Variants in INVS observed in about 807,000 individuals in gnomAD.
The protein encoded by INVS is inversion of embryo turning homolog.
In INVS, 86 loss-of-function variants were observed where a neutral mutation model predicts 108.8. That is an observed-to-expected ratio of 0.79 (90% CI 0.66 to 0.95). INVS has a LOEUF of 0.95. Ranked by LOEUF, INVS falls within the 40% of genes least tolerant of loss-of-function variation. INVS has a pLI of 0.00. For missense variants in INVS, 1,169 were observed against 1,297.4 expected (o/e 0.90, Z 1.52); for synonymous variants, 455 against 473.5 (o/e 0.96, Z 0.51).
At chr9:100,209,823 A>C (rs949295278) in intron 3 of INVS, among the ~76,000 whole-genome samples, 2 of 152,020 alleles carry the variant, frequency 1.3e-5, no homozygotes, top group African/African-American at 4.8e-5. Flanking sequence ...AGAAGACTGA[A>C]AGGAAAAGCC....
intron 3 of INVS, chr9:100,175,688 A>G (rs767605823): frequency 2.2e-4 from 142 of 637,498 alleles, no homozygotes; most frequent in Middle Eastern, 5.3e-4. Context: ...CCTGCCTCCA[A>G]GGATGCTTGG....
chr9:100,274,498 A>G (rs1266459939), intron 12 of INVS, among the ~76,000 whole-genome samples: 1 of 152,098 alleles, frequency 6.6e-6, no homozygotes, highest in Admixed American at 6.6e-5. Flanking sequence ...GATGATAAAG[A>G]TGTGGACAGG....
intron 2 of INVS, chr9:100,120,741 G>A (rs1480355280): frequency 6.6e-6 from 1 of 152,202 alleles, no homozygotes; most frequent in African/African-American, 2.4e-5. Context: ...GGAGGGGAAG[G>A]GAATTTGGTA....
chr9:100,247,975 A>AT (rs889448606), intron 8 of INVS, among the ~76,000 whole-genome samples: 7 of 151,132 alleles, frequency 4.6e-5, no homozygotes, highest in African/African-American at 1.5e-4. Flanking sequence ...CGCCCAGCTA[A>AT]TTTTTTTTTC....
chr9:100,124,539 C>A (rs1269131253), intron 2 of INVS, among the ~76,000 whole-genome samples: 1 of 136,476 alleles, frequency 7.3e-6, no homozygotes, highest in Non-Finnish European at 1.6e-5. Flanking sequence ...CACAGTGAGA[C>A]CCTCATTAAA....
At position 100,300,928 on chromosome 9, in the gene INVS, T is replaced by G. The variant is rs982855053; in HGVS notation, c.*254T>G. The G allele has an allele frequency of 5.3e-5, 28 of 525,392 alleles. No individual in the cohort carries two copies. Among genetic ancestry groups the G allele is most frequent in the East Asian group, 6.9e-5 (2 of 29,180 alleles). 32.5% of individuals were successfully genotyped at this position (525,392 alleles called of 1,614,324 possible). ...ACTATGTCTGTGCAAAGTGCCTGAG[T>G]GTCTGCTTTCACCTCAGTCTGTACA... On this transcript the variant is annotated 3_prime_UTR_variant, in exon 17 of 17. Transcript: ENST00000262457.
intron 3 of INVS, among the ~76,000 whole-genome samples, chr9:100,217,447 C>A (rs10989020): frequency 2.0e-5 from 3 of 152,024 alleles, no homozygotes; most frequent in Non-Finnish European, 4.4e-5. Context: ...GCAGAAGACA[C>A]AAGACTCCCA....
chr9:100,150,087 G>A (rs1828759776), intron 3 of INVS, among the ~76,000 whole-genome samples: 1 of 152,120 alleles, frequency 6.6e-6, no homozygotes, highest in Admixed American at 6.6e-5. Flanking sequence ...CTCCAAAGAA[G>A]TACTGAAGGG....
chr9:100,147,848 A>G (rs1828668247), intron 3 of INVS, among the ~76,000 whole-genome samples: 1 of 152,066 alleles, frequency 6.6e-6, no homozygotes, highest in South Asian at 2.1e-4. Flanking sequence ...GTTAAAAATA[A>G]GAGTATGTAA....
intron 8 of INVS, among the ~76,000 whole-genome samples, chr9:100,248,297 C>T (rs926246360): frequency 1.3e-5 from 2 of 152,170 alleles, no homozygotes; most frequent in Admixed American, 6.5e-5. Context: ...AGGATACTTG[C>T]ACTCTTTGAC....
At chr9:100,112,663 G>A (rs1237634500) in intron 2 of INVS, among the ~76,000 whole-genome samples, 1 of 146,248 alleles carries the variant, frequency 6.8e-6, no homozygotes, top group African/African-American at 2.6e-5. Context: ...TAGCTGATGA[G>A]CTAAAAAAAA....
At chr9:100,228,902 G>A (rs1014070097) in intron 4 of INVS, among the ~76,000 whole-genome samples, 5 of 152,116 alleles carry the variant, frequency 3.3e-5, no homozygotes, top group African/African-American at 9.7e-5. Flanking sequence ...TTGAAACTGC[G>A]GATAGTGTCA....
At chr9:100,194,053 A>G (rs963626326) in intron 3 of INVS, among the ~76,000 whole-genome samples, 12 of 152,342 alleles carry the variant, frequency 7.9e-5, no homozygotes, top group Non-Finnish European at 1.3e-4. Context: ...ATCTGTAAGC[A>G]TATGCTTTCA....
At chr9:100,159,911 G>A (rs142334898) in intron 3 of INVS, among the ~76,000 whole-genome samples, 81 of 152,240 alleles carry the variant, frequency 5.3e-4, no homozygotes, top group African/African-American at 1.7e-3. Flanking sequence ...ACACTTGACC[G>A]TAATGAAAAT....
chr9:100,274,181 A>T (rs1833047923), intron 12 of INVS, among the ~76,000 whole-genome samples: 1 of 151,948 alleles, frequency 6.6e-6, no homozygotes, highest in Admixed American at 6.6e-5. Context: ...AAAATGGTGA[A>T]ACACCATCTC....
intron 3 of INVS, among the ~76,000 whole-genome samples, chr9:100,147,674 A>C (rs1828661849): frequency 6.6e-6 from 1 of 152,154 alleles, no homozygotes; most frequent in African/African-American, 2.4e-5. Flanking sequence ...AATATTTACA[A>C]AAACAAGGTT....
At chr9:100,198,972 C>T (rs892351175) in intron 3 of INVS, among the ~76,000 whole-genome samples, 2 of 152,130 alleles carry the variant, frequency 1.3e-5, no homozygotes, top group Non-Finnish European at 2.9e-5. Context: ...TGTCCACATT[C>T]GCAGAGACGT....
intron 3 of INVS, among the ~76,000 whole-genome samples, chr9:100,191,935 C>T (rs910603592): frequency 5.3e-5 from 8 of 151,962 alleles, no homozygotes; most frequent in Admixed American, 1.3e-4. Context: ...TGATGATTTC[C>T]GGTGTGAAGA....
intron 5 of INVS, among the ~76,000 whole-genome samples, chr9:100,235,077 G>A (rs1564169973): frequency 6.6e-6 from 1 of 152,166 alleles, no homozygotes; most frequent in African/African-American, 2.4e-5. Context: ...ATTTAGGATA[G>A]TTCGCTCTTC....
Sources: gnomAD v4.1 joint callset for allele counts (sites outside exome capture counted in the v4.1 genomes callset) on GRCh38, gnomAD v4.1.1 for gene constraint, MANE v1.5 for transcripts, NCBI Gene and HGNC (gene_info 2026-07-23, HGNC 2026-07-21) for gene names.